Variants in PMEPA1 observed in about 807,000 individuals in gnomAD.
PMEPA1 encodes prostate transmembrane protein, androgen induced 1, also known as protein TMEPAI.
PMEPA1 carries 11 observed loss-of-function variants against 23.0 expected under a neutral mutation model. The ratio of observed to expected loss-of-function variants is 0.48; its 90% confidence interval spans 0.30 to 0.79. The LOEUF (loss-of-function observed/expected upper bound fraction) is 0.79, where lower values mean the gene tolerates loss of function less well. Among genes scored for constraint, PMEPA1 ranks in the 30% least tolerant of loss-of-function variants. The probability of loss-of-function intolerance (pLI) is 0.06; values close to 1 mark genes in which losing one functional copy is unlikely to be tolerated. For missense variants in PMEPA1, 377 were observed against 390.9 expected (o/e 0.96, Z 0.30); for synonymous variants, 204 against 166.4 (o/e 1.23, Z -1.74).
chr20:57,690,587 G>A, intron 1 of PMEPA1: 1 of 1,245,336 alleles, frequency 8.0e-7, no homozygotes, highest in Non-Finnish European at 1.0e-6. Flanking sequence ...GGCGGGTGTA[G>A]AGGGTCATGT....
chr20:57,689,003 G>A (rs1310250997), intron 1 of PMEPA1, among the ~76,000 whole-genome samples: 6 of 152,256 alleles, frequency 3.9e-5, no homozygotes, highest in Non-Finnish European at 8.8e-5. Flanking sequence ...CTGGCAGCCC[G>A]CCCCAGACTT....
chr20:57,701,324 G>T (rs1307356057), intron 1 of PMEPA1, among the ~76,000 whole-genome samples: 3 of 152,248 alleles, frequency 2.0e-5, no homozygotes, highest in African/African-American at 7.2e-5. Context: ...ACCTTCCTCC[G>T]TGAGGACAAT....
intron 1 of PMEPA1, among the ~76,000 whole-genome samples, chr20:57,706,823 C>T (rs916941961): frequency 2.6e-5 from 4 of 152,140 alleles, no homozygotes; most frequent in Non-Finnish European, 2.9e-5. Context: ...ATGTGAACCC[C>T]GAGCTTGCGT....
At chr20:57,654,397 A>C (rs2071296524) in intron 2 of PMEPA1, among the ~76,000 whole-genome samples, 1 of 152,046 alleles carries the variant, frequency 6.6e-6, no homozygotes, top group Non-Finnish European at 1.5e-5. Flanking sequence ...CAGGTAGGAT[A>C]CCGCTCACCT....
At chr20:57,710,261 G>T, upstream of PMEPA1, 1 of 592,184 alleles carries the variant, frequency 1.7e-6, no homozygotes, top group Non-Finnish European at 2.7e-6. Context: ...CCTGCCCGGC[G>T]CACGCCCGGG....
chr20:57,710,226 C>G (rs1600683195), upstream of PMEPA1: 1 of 535,610 alleles, frequency 1.9e-6, no homozygotes, highest in African/African-American at 2.0e-5. Flanking sequence ...TGTGCCCTCT[C>G]CCCAACGGCG....
At chr20:57,669,151 A>G (rs2071533467) in intron 1 of PMEPA1, among the ~76,000 whole-genome samples, 1 of 126,340 alleles carries the variant, frequency 7.9e-6, no homozygotes, top group Admixed American at 7.6e-5. Flanking sequence ...ACATTTATTT[A>G]TTTATTTATT....
At chr20:57,670,160 C>T (rs1352160157) in intron 1 of PMEPA1, among the ~76,000 whole-genome samples, 2 of 146,378 alleles carry the variant, frequency 1.4e-5, no homozygotes, top group Non-Finnish European at 3.0e-5. Flanking sequence ...CCAGACATCT[C>T]GCTTCCTGGG....
At chr20:57,653,644 T>C (rs1345069241) in intron 2 of PMEPA1, among the ~76,000 whole-genome samples, 2 of 152,202 alleles carry the variant, frequency 1.3e-5, no homozygotes, top group Non-Finnish European at 2.9e-5. Flanking sequence ...GTGAATGTGC[T>C]GGGTGTCACC....
intron 1 of PMEPA1, among the ~76,000 whole-genome samples, chr20:57,703,753 C>T (rs552464205): frequency 6.6e-6 from 1 of 152,324 alleles, no homozygotes; most frequent in East Asian, 1.9e-4. Flanking sequence ...GCCTTCTCAT[C>T]ACTAGGCACT....
intron 1 of PMEPA1, among the ~76,000 whole-genome samples, chr20:57,707,117 C>T (rs2072100681): frequency 6.6e-6 from 1 of 152,212 alleles, no homozygotes; most frequent in Non-Finnish European, 1.5e-5. Context: ...CCTCAAAGCC[C>T]AACTCCAAAC....
At chr20:57,709,188 C>G (rs1315344837) in intron 1 of PMEPA1, among the ~76,000 whole-genome samples, 1 of 151,420 alleles carries the variant, frequency 6.6e-6, no homozygotes, top group South Asian at 2.1e-4. Context: ...CCCGCCCCAA[C>G]CCTCCCGCGC....
intron 1 of PMEPA1, among the ~76,000 whole-genome samples, chr20:57,707,377 G>A (rs1281800972): frequency 6.6e-6 from 1 of 152,208 alleles, no homozygotes; most frequent in African/African-American, 2.4e-5. Flanking sequence ...AAGACTGGTT[G>A]GTTCCCTCCG....
chr20:57,661,557 A>G (rs1248770727), intron 1 of PMEPA1, among the ~76,000 whole-genome samples: 2 of 152,320 alleles, frequency 1.3e-5, no homozygotes, highest in Admixed American at 1.3e-4. Context: ...GCCCAGTGCC[A>G]CTGACTCAGT....
rs2071728482 is a variant in PMEPA1 at position 57,682,250 on chromosome 20, G to A, written c.110-22553C>T. On this transcript the variant is annotated intron_variant, in intron 1 of 3. Transcript: ENST00000341744. This position sits in a 1 kb window ranked among gnomAD's most constrained non-coding sequence, Gnocchi z 4.4. ...GATGGGAGGTGACGGCGTAGCAAAGGCTCCCAGTGGGAATGAAGGCTTGAG... is the reference window on the plus strand; with the variant it reads ...GATGGGAGGTGACGGCGTAGCAAAGACTCCCAGTGGGAATGAAGGCTTGAG... 6.6e-6 allele frequency among the ~76,000 whole-genome samples: 1 copy of A among 152,224 alleles called. No individual in the cohort carries two copies. Among genetic ancestry groups the A allele is most frequent in the Non-Finnish European group, 1.5e-5 (1 of 68,036 alleles).
chr20:57,698,690 G>A (rs778271724), intron 1 of PMEPA1, among the ~76,000 whole-genome samples: 9 of 152,102 alleles, frequency 5.9e-5, no homozygotes, highest in Admixed American at 2.0e-4. Context: ...CTGGCGCGGC[G>A]GGCACCAAGT....
chr20:57,651,789 ATT>A lies in PMEPA1; in HGVS notation c.*262_*263del, dbSNP rs576943081. The A allele has an allele frequency of 3.1e-6, 1 of 323,126 alleles. No homozygotes were observed. The highest frequency in any genetic ancestry group is 4.9e-5 in the Admixed American group (1 of 20,498). The allele number at this position is 323,126 out of a possible 1,614,324, so 20.0% of individuals were successfully genotyped here. On this transcript the variant is annotated 3_prime_UTR_variant, in exon 4 of 4. Coordinates refer to ENST00000341744, the MANE Select transcript of PMEPA1 (RefSeq NM_020182.5). ...AGAAACAAGAAAGACTACTGTAGAA[ATT>A]TTTTTTCTTTTGCCTTCAAGACACA...
intron 1 of PMEPA1, among the ~76,000 whole-genome samples, chr20:57,671,125 A>G (rs1174135643): frequency 6.6e-6 from 1 of 152,204 alleles, no homozygotes; most frequent in African/African-American, 2.4e-5. Flanking sequence ...CTATTATCCA[A>G]ATGGAAAGAA....
intron 1 of PMEPA1, among the ~76,000 whole-genome samples, chr20:57,664,224 G>A (rs1024771981): frequency 2.6e-5 from 4 of 152,158 alleles, no homozygotes; most frequent in African/African-American, 7.2e-5. Flanking sequence ...GCCTGGTCCC[G>A]GGACTCACCT....
Sources: gnomAD v4.1 joint callset for allele counts (sites outside exome capture counted in the v4.1 genomes callset) on GRCh38, gnomAD v4.1.1 for gene constraint, Gnocchi (gnomAD v3.1) non-coding constraint, MANE v1.5 for transcripts, NCBI Gene and HGNC (gene_info 2026-07-23, HGNC 2026-07-21) for gene names.